Variants in NCKAP5 observed in about 807,000 individuals in gnomAD.
NCKAP5 encodes nck-associated protein 5.
Under a neutral mutation model 167.0 loss-of-function variants are expected in NCKAP5, and 92 were observed. The observed-to-expected ratio is 0.55, with a 90% CI of 0.47 to 0.66. The LOEUF (loss-of-function observed/expected upper bound fraction) is 0.66. NCKAP5 is among the 30% of genes least tolerant of loss of function. The probability of loss-of-function intolerance (pLI) is 0.00; values close to 1 mark genes in which losing one functional copy is unlikely to be tolerated. For synonymous variants in NCKAP5, 891 were observed against 877.4 expected (o/e 1.02, Z -0.27); for missense variants, 2,378 against 2,315.0 (o/e 1.03, Z -0.56).
At chr2:132,979,970 T>A (rs984814135) in intron 7 of NCKAP5, among the ~76,000 whole-genome samples, 6 of 151,620 alleles carry the variant, frequency 4.0e-5, no homozygotes, top group African/African-American at 7.3e-5. Context: ...TACAATGATT[T>A]TTTTTTTCTT....
chr2:133,453,821 T>C (rs939500520), intron 3 of NCKAP5, among the ~76,000 whole-genome samples: 3 of 152,084 alleles, frequency 2.0e-5, no homozygotes, highest in Admixed American at 6.6e-5. Context: ...AGTACTATTA[T>C]AGTAATCAGA....
At chr2:133,610,990 G>C in the NCKAP5 span, among the ~76,000 whole-genome samples, 7 of 152,258 alleles carry the variant, frequency 4.6e-5, no homozygotes, top group Admixed American at 1.3e-4. Context: ...GGGAAGACTA[G>C]AGTCTTTGTT....
intron 3 of NCKAP5, among the ~76,000 whole-genome samples, chr2:133,315,715 A>G (rs1277326392): frequency 2.0e-5 from 3 of 152,192 alleles, no homozygotes; most frequent in Non-Finnish European, 2.9e-5. Flanking sequence ...TGTTAAATAC[A>G]ATCAGTGGTC....
chr2:133,040,014 A>T (rs2079160178), intron 6 of NCKAP5, among the ~76,000 whole-genome samples: 1 of 152,150 alleles, frequency 6.6e-6, no homozygotes, highest in Non-Finnish European at 1.5e-5. Flanking sequence ...TACTTTCTCC[A>T]AACACTGATT....
At chr2:133,320,463 T>C (rs571739871) in intron 3 of NCKAP5, among the ~76,000 whole-genome samples, 74 of 152,198 alleles carry the variant, frequency 4.9e-4, no homozygotes, top group Non-Finnish European at 1.0e-3. Flanking sequence ...GTGCGGTGGC[T>C]CACGCCTGTA....
At chr2:133,407,087 C>T (rs1381551863) in intron 3 of NCKAP5, among the ~76,000 whole-genome samples, 1 of 152,202 alleles carries the variant, frequency 6.6e-6, no homozygotes, top group African/African-American at 2.4e-5. Context: ...CATACATGAG[C>T]CTCTTGAAAG....
intron 19 of NCKAP5, among the ~76,000 whole-genome samples, chr2:132,680,758 C>T (rs1685112643): frequency 6.6e-6 from 1 of 151,944 alleles, no homozygotes; most frequent in Non-Finnish European, 1.5e-5. Flanking sequence ...GGAAGAAAAC[C>T]GCAAATTTGC....
chr2:132,974,112 T>C (rs191970340), intron 7 of NCKAP5, among the ~76,000 whole-genome samples: 14 of 152,326 alleles, frequency 9.2e-5, no homozygotes, highest in East Asian at 7.7e-4. Context: ...CCTTAAATCT[T>C]AGCACTGTAG....
chr2:132,774,015 T>C, intron 15 of NCKAP5, 121 bp from the exon 16 acceptor site: 1 of 732,118 alleles, frequency 1.4e-6, no homozygotes, highest in Non-Finnish European at 2.3e-6. Context: ...AGTGTTTGCA[T>C]GTATATACAT....
chr2:133,188,023 T>C (rs565469130), intron 5 of NCKAP5, among the ~76,000 whole-genome samples: 34 of 152,222 alleles, frequency 2.2e-4, no homozygotes, highest in African/African-American at 7.5e-4. Flanking sequence ...ATCATGATGT[T>C]AGCTGGTTAT....
At chr2:133,306,863 C>T (rs915572028) in intron 3 of NCKAP5, among the ~76,000 whole-genome samples, 2 of 152,208 alleles carry the variant, frequency 1.3e-5, no homozygotes, top group Non-Finnish European at 2.9e-5. Flanking sequence ...CAGGTACTTA[C>T]ATACTCCTCT....
chr2:133,203,390 TGGGGTG>T (rs759862635), intron 5 of NCKAP5, among the ~76,000 whole-genome samples: 9 of 151,600 alleles, frequency 5.9e-5, no homozygotes, highest in Non-Finnish European at 1.2e-4. Flanking sequence ...GGGCCTGTCA[TGGGGTG>T]GGGGAAGCGG....
chr2:133,503,733 C>T (rs1575071669), intron 3 of NCKAP5, among the ~76,000 whole-genome samples: 1 of 152,222 alleles, frequency 6.6e-6, no homozygotes, highest in South Asian at 2.1e-4. Context: ...TACTAAGACT[C>T]ATCCTACTTA....
intron 3 of NCKAP5, among the ~76,000 whole-genome samples, chr2:133,377,120 A>AT (rs1686201023): frequency 6.6e-6 from 1 of 152,050 alleles, no homozygotes; most frequent in African/African-American, 2.4e-5. Context: ...GAGTCATCAC[A>AT]TTTTTTTCCT....
At chr2:133,567,155 C>G (rs1292267245) in intron 1 of NCKAP5, among the ~76,000 whole-genome samples, 1 of 152,168 alleles carries the variant, frequency 6.6e-6, no homozygotes, top group East Asian at 1.9e-4. Flanking sequence ...ATCCGTGCAG[C>G]GGGCTGGGCT....
chr2:133,203,838 A>G (rs919280897), intron 5 of NCKAP5, among the ~76,000 whole-genome samples: 3 of 152,224 alleles, frequency 2.0e-5, no homozygotes, highest in Admixed American at 2.0e-4. Flanking sequence ...TTTGAAAGAT[A>G]GTTTAAAGTT....
At chr2:133,148,882 G>C (rs1378487853) in intron 5 of NCKAP5, among the ~76,000 whole-genome samples, 2 of 152,062 alleles carry the variant, frequency 1.3e-5, no homozygotes, top group African/African-American at 4.8e-5. Flanking sequence ...ATTTTGGGAG[G>C]ACACAAACAT....
At chr2:133,522,948 G>A (rs866476238) in intron 2 of NCKAP5, among the ~76,000 whole-genome samples, 1 of 152,108 alleles carries the variant, frequency 6.6e-6, no homozygotes, top group Non-Finnish European at 1.5e-5. Flanking sequence ...GGAAGAAAAC[G>A]GTCATGGAGT....
At chr2:133,002,151 AATC>A in intron 6 of NCKAP5, among the ~76,000 whole-genome samples, 1 of 152,272 alleles carries the variant, frequency 6.6e-6, no homozygotes, top group Non-Finnish European at 1.5e-5. Context: ...CTTTTCTCCC[AATC>A]AGATCAAAAT....
Sources: allele counts gnomAD v4.1 joint callset (sites outside exome capture counted in the v4.1 genomes callset), GRCh38; gene constraint gnomAD v4.1.1; transcripts MANE v1.5; gene names NCBI Gene and HGNC (gene_info 2026-07-23, HGNC 2026-07-21).